PMM2: variants seen among roughly 807,000 people sequenced by gnomAD.
The protein encoded by PMM2 is mannose-6-phosphate isomerase.
PMM2 carries 35 observed loss-of-function variants against 33.2 expected under a neutral mutation model. The observed-to-expected ratio is 1.06, with a 90% CI of 0.81 to 1.40. The LOEUF (loss-of-function observed/expected upper bound fraction) is 1.40, where lower values mean the gene tolerates loss of function less well. Among genes scored for constraint, PMM2 ranks in the 40% most tolerant of loss-of-function variants. The probability of loss-of-function intolerance (pLI) is 0.00; values close to 1 mark genes in which losing one functional copy is unlikely to be tolerated. For missense variants in PMM2, 386 were observed against 306.0 expected, an observed-to-expected ratio of 1.26 and a Z score of -1.95; for synonymous variants, 153 against 114.7, an observed-to-expected ratio of 1.33 and a Z score of -2.13.
At chr16:8,841,148 C>T (rs1202021822) in intron 7 of PMM2, among the ~76,000 whole-genome samples, 1 of 151,482 alleles carries the variant, frequency 6.6e-6, no homozygotes, top group South Asian at 2.1e-4. Context: ...ACCATTAGTC[C>T]GTTCTACCTT....
chr16:8,845,795 CTT>C (rs5815503), intron 7 of PMM2, among the ~76,000 whole-genome samples: 379 of 139,988 alleles, frequency 2.7e-3, no homozygotes, highest in Admixed American at 5.2e-3. Context: ...TGAAAGAAAT[CTT>C]TTTTTTTTTT....
chr16:8,827,996 T>A (rs534778304), intron 7 of PMM2, among the ~76,000 whole-genome samples: 163 of 133,536 alleles, frequency 1.2e-3, no homozygotes, highest in African/African-American at 4.4e-3. Flanking sequence ...ATATCCATTT[T>A]TAATTAAGCA....
intron 4 of PMM2, chr16:8,808,657 A>G (rs1168352023): frequency 6.6e-6 from 1 of 152,248 alleles, no homozygotes; most frequent in Non-Finnish European, 1.5e-5. Flanking sequence ...AAGGCTTTCT[A>G]AACTGCATCA....
chr16:8,835,911 A>G (rs1306625805), intron 7 of PMM2, among the ~76,000 whole-genome samples: 3 of 151,844 alleles, frequency 2.0e-5, no homozygotes, highest in Non-Finnish European at 2.9e-5. Context: ...GAGGCTTTGG[A>G]TTGGGAAGAA....
chr16:8,825,747 T>C (rs1320567980), intron 7 of PMM2, among the ~76,000 whole-genome samples: 2 of 142,966 alleles, frequency 1.4e-5, no homozygotes, highest in Admixed American at 1.5e-4. Context: ...TGTTCAAAAA[T>C]AAAACACTAT....
At chr16:8,837,061 A>C (rs2060853626) in intron 7 of PMM2, among the ~76,000 whole-genome samples, 2 of 151,944 alleles carry the variant, frequency 1.3e-5, no homozygotes, top group African/African-American at 4.8e-5. Flanking sequence ...CAGCCTGGCG[A>C]GGAGGAGAGG....
intron 7 of PMM2, among the ~76,000 whole-genome samples, chr16:8,846,596 C>G (rs537248196): frequency 6.6e-6 from 1 of 152,148 alleles, no homozygotes. Flanking sequence ...AGGACCCCAG[C>G]AGAACATGCC....
intron 7 of PMM2, among the ~76,000 whole-genome samples, chr16:8,835,786 G>A (rs1052371882): frequency 6.6e-5 from 10 of 151,874 alleles, no homozygotes; most frequent in African/African-American, 1.7e-4. Flanking sequence ...AGTGGGGTAA[G>A]GGTGATTAGG....
At chr16:8,814,829 T>C (rs1229864492) in intron 7 of PMM2, among the ~76,000 whole-genome samples, 1 of 152,216 alleles carries the variant, frequency 6.6e-6, no homozygotes, top group Non-Finnish European at 1.5e-5. Context: ...GCTATTGTTA[T>C]AAGAACACTT....
chr16:8,817,616 C>G (rs1206844550), intron 7 of PMM2, among the ~76,000 whole-genome samples: 1 of 152,198 alleles, frequency 6.6e-6, no homozygotes, highest in Non-Finnish European at 1.5e-5. Context: ...TTAACCATTG[C>G]ATTACCATGC....
chr16:8,832,661 C>A, intron 7 of PMM2: 1 of 985,412 alleles, frequency 1.0e-6, no homozygotes, highest in Non-Finnish European at 1.2e-6. Context: ...CCTTCAATTG[C>A]GTCCTCACCC....
intron 7 of PMM2, among the ~76,000 whole-genome samples, chr16:8,815,282 C>G (rs1263103106): frequency 6.6e-6 from 1 of 150,618 alleles, no homozygotes; most frequent in Non-Finnish European, 1.5e-5. Context: ...TGCAGTGGCA[C>G]CATCTTGGCT....
intron 7 of PMM2, among the ~76,000 whole-genome samples, chr16:8,841,020 G>A (rs574648369): frequency 4.3e-4 from 66 of 152,190 alleles, no homozygotes; most frequent in African/African-American, 1.5e-3. Flanking sequence ...CAAATGGACT[G>A]TACCTACCCT....
chr16:8,833,693 A>G (rs560409875), intron 7 of PMM2, among the ~76,000 whole-genome samples: 3 of 151,404 alleles, frequency 2.0e-5, no homozygotes, highest in African/African-American at 7.3e-5. Flanking sequence ...CATCTGTCGT[A>G]TAGAATGATT....
At chr16:8,820,698 A>C (rs2060734172) in intron 7 of PMM2, among the ~76,000 whole-genome samples, 2 of 148,632 alleles carry the variant, frequency 1.3e-5, no homozygotes, top group South Asian at 4.1e-4. Context: ...AAGTGAAGGC[A>C]TCTGAGGAAA....
rs537860484 is a variant in PMM2 at position 8,830,354 on chromosome 16, A to G, written c.639+17248A>G. Among the ~76,000 whole-genome samples the G allele has an allele frequency of 3.9e-4, 59 of 152,316 alleles. 1 individual carries two copies. The South Asian group carries it at 7.2e-3, about 19-fold the overall frequency. On this transcript the variant is annotated intron_variant, in intron 7 of 7. Coordinates refer to ENST00000268261, the MANE Select transcript of PMM2 (RefSeq NM_000303.3). Reference sequence around the variant, plus strand: ...AATTTATCAAGACAGGAGAATTGCAATAGACTAATTCACACAGAGCCAGCT... The same window carrying G: ...AATTTATCAAGACAGGAGAATTGCAGTAGACTAATTCACACAGAGCCAGCT...
intron 7 of PMM2, among the ~76,000 whole-genome samples, chr16:8,840,994 C>T (rs1411630283): frequency 3.9e-5 from 6 of 152,108 alleles, no homozygotes; most frequent in South Asian, 2.1e-4. Context: ...CAAGAAAGTG[C>T]GTCCATATAA....
At chr16:8,843,698 G>T (rs556917471) in intron 7 of PMM2, among the ~76,000 whole-genome samples, 1 of 152,166 alleles carries the variant, frequency 6.6e-6, no homozygotes, top group Non-Finnish European at 1.5e-5. Flanking sequence ...TTGAAGGTGA[G>T]GTTAATTAAG....
At chr16:8,838,410 T>C (rs967861079) in intron 7 of PMM2, among the ~76,000 whole-genome samples, 2 of 152,066 alleles carry the variant, frequency 1.3e-5, no homozygotes, top group African/African-American at 2.4e-5. Flanking sequence ...ATTCCTGCCT[T>C]CTTATGTTAA....
Sources: gnomAD v4.1 joint callset for allele counts (sites outside exome capture counted in the v4.1 genomes callset) on GRCh38, gnomAD v4.1.1 for gene constraint, MANE v1.5 for transcripts, NCBI Gene and HGNC (gene_info 2026-07-23, HGNC 2026-07-21) for gene names.